Variants in WASHC2C observed in about 807,000 individuals in gnomAD.
WASHC2C encodes WASH complex subunit 2C, also known as Vaccinia Penetration Factor.
A neutral mutation model predicts 142.2 loss-of-function variants in WASHC2C; 73 were observed. The observed-to-expected ratio is 0.51, with a 90% confidence interval of 0.43 to 0.62. The LOEUF (loss-of-function observed/expected upper bound fraction) is 0.62, where lower values mean the gene tolerates loss of function less well. WASHC2C is among the 20% of genes least tolerant of loss of function. The pLI, the probability that WASHC2C is intolerant of heterozygous loss-of-function variation, is 0.00. For missense variants in WASHC2C, 969 were observed against 1,531.7 expected (o/e 0.63, Z 6.13); for synonymous variants, 337 against 565.5 (o/e 0.60, Z 5.73).
intron 11 of WASHC2C, 133 bp downstream of exon 11, chr10:45,751,686 A>G (rs1354016868): frequency 1.3e-6 from 2 of 1,510,096 alleles, no homozygotes; most frequent in Admixed American, 2.1e-5. Flanking sequence ...TTACTTTTCT[A>G]AAGCCTCTGG....
chr10:45,780,701 G>A (rs1199624850), intron 23 of WASHC2C, among the ~76,000 whole-genome samples: 1 of 151,222 alleles, frequency 6.6e-6, no homozygotes, highest in Non-Finnish European at 1.5e-5. Flanking sequence ...TTGTAGTTCT[G>A]TAAGCTAGTA....
At chr10:45,769,158 C>T (rs1381291345) in intron 19 of WASHC2C, among the ~76,000 whole-genome samples, 2 of 152,028 alleles carry the variant, frequency 1.3e-5, no homozygotes, top group Non-Finnish European at 2.9e-5. Flanking sequence ...CGCTCTGTCC[C>T]CCAGGCTGGA....
intron 3 of WASHC2C, among the ~76,000 whole-genome samples, chr10:45,733,416 C>T (rs1271466079): frequency 6.6e-6 from 1 of 151,752 alleles, no homozygotes; most frequent in African/African-American, 2.4e-5. Flanking sequence ...CCTTTTTCCC[C>T]AGTTCCCCTC....
At chr10:45,744,707 T>TCA (rs2134390233) in intron 6 of WASHC2C, 114 bp from the exon 7 acceptor site, 1 of 519,584 alleles carries the variant, frequency 1.9e-6, no homozygotes, top group South Asian at 2.1e-5. Context: ...TAAGTGGGTA[T>TCA]AGATGGTTTT....
In WASHC2C at chr10:45,790,424, A is replaced by G; in HGVS notation, c.3777A>G (p.Glu1259=). 4 of 1,611,090 alleles carry G rather than the reference A, an allele frequency of 2.5e-6. No individual in the cohort carries two copies. The South Asian group carries it at 4.4e-5, about 18-fold the overall frequency. Residue 1259 remains glutamate (E), a synonymous_variant, in exon 30 of 31, where the codon GAA becomes GAG. Coordinates refer to ENST00000623400, the MANE Select transcript of WASHC2C (RefSeq NM_001330074.2). Reference sequence around the variant, plus strand: ...CCAGAGAGAAGGAGAAAACATTGGAATCTAATTTATTTGATGATAACATTG... The same window carrying G: ...CCAGAGAGAAGGAGAAAACATTGGAGTCTAATTTATTTGATGATAACATTG... ...QKTREKEKTL[E]SNLFDDNIDI...
intron 21 of WASHC2C, among the ~76,000 whole-genome samples, chr10:45,773,677 G>A (rs1338097934): frequency 7.9e-5 from 12 of 152,270 alleles, no homozygotes; most frequent in African/African-American, 1.2e-4. Flanking sequence ...AGTGTGTGTC[G>A]AGTACTAACA....
intron 2 of WASHC2C, among the ~76,000 whole-genome samples, 198 bp downstream of exon 2, chr10:45,727,737 G>A (rs2050048601): frequency 6.6e-6 from 1 of 152,156 alleles, no homozygotes; most frequent in South Asian, 2.1e-4. Context: ...CCTGACCGTG[G>A]CCCAGACGCG....
rs1564806808 is a variant in WASHC2C at position 45,777,397 on chromosome 10, G to A, written c.2267G>A (p.Gly756Glu). The stretch of plus-strand genomic sequence containing the variant: ...AGTGCCAAGGAGTCATTAAAATTTG[G>A]GAGAACTGATGTGGCTGAGTCAGAA... ...VESAKESLKF[G>E]RTDVAESEKE... Residue 756 changes from glycine (G) to glutamate (E), a missense_variant, in exon 22 of 31, where the codon GGG (glycine) becomes GAG (glutamate). Physicochemically the swap from Gly to Glu is moderately conservative, Grantham distance 98. Coordinates refer to ENST00000623400, the MANE Select transcript of WASHC2C (RefSeq NM_001330074.2). 1.9e-6 allele frequency: 3 copies of A among 1,610,164 alleles called. No homozygotes were observed. In the African/African-American group the frequency reaches 4.1e-5, roughly 22 times the overall value.
chr10:45,790,713 C>T (rs2058345881), intron 30 of WASHC2C, among the ~76,000 whole-genome samples, 180 bp downstream of exon 30: 1 of 152,164 alleles, frequency 6.6e-6, no homozygotes. Flanking sequence ...AGTGAAGTAA[C>T]TCTTTCCTAT....
At chr10:45,779,540 A>G (rs559396193) in intron 23 of WASHC2C, among the ~76,000 whole-genome samples, 7 of 152,380 alleles carry the variant, frequency 4.6e-5, no homozygotes, top group African/African-American at 1.7e-4. Context: ...AACTATTTCT[A>G]TAAAGGACCA....
chr10:45,773,151 G>A (rs1430237392), intron 20 of WASHC2C, 105 bp from the exon 21 acceptor site: 1 of 529,100 alleles, frequency 1.9e-6, no homozygotes, highest in Non-Finnish European at 3.4e-6. Flanking sequence ...TGTTTGGGTG[G>A]TAGGTGGATT....
intron 3 of WASHC2C, among the ~76,000 whole-genome samples, chr10:45,736,322 C>T (rs1260076125): frequency 7.6e-6 from 1 of 131,196 alleles, no homozygotes; most frequent in South Asian, 2.6e-4. Context: ...AGGAGAATGG[C>T]GTGAACCCAG....
Position 45,729,602 on chromosome 10 carries a change from C to A in WASHC2C, c.291+576C>A, listed in dbSNP as rs186907335. 2.3e-3 allele frequency among the ~76,000 whole-genome samples: 342 copies of A among 151,612 alleles called. 2 individuals carry two copies. Among genetic ancestry groups the A allele is most frequent in the African/African-American group, 7.9e-3 (327 of 41,308 alleles). On this transcript the variant is annotated intron_variant, in intron 3 of 30. Transcript: ENST00000623400. ...TACATAGGTAAATTAGATAGAGCCT[C>A]TCCCTTGGCAAATAGTATAATTCCA...
rs1224792477 is a variant in WASHC2C, at chr10:45,784,915, G to A, written c.2688+14G>A. Reference sequence around the variant, plus strand: ...TCCCAGCCTTTGGTACCAGCCTTTTGTTCTCAATACTGGGTTGTGTGGGAA... The same window carrying A: ...TCCCAGCCTTTGGTACCAGCCTTTTATTCTCAATACTGGGTTGTGTGGGAA... On this transcript the variant is annotated intron_variant, in intron 25 of 30. Transcript: ENST00000623400. 3 of 1,596,048 alleles carry A rather than the reference G, an allele frequency of 1.9e-6. No homozygotes were observed. The highest frequency in any genetic ancestry group is 2.6e-6 in the Non-Finnish European group (3 of 1,175,302).
At chr10:45,739,284 AG>A (rs1284282646) in intron 4 of WASHC2C, among the ~76,000 whole-genome samples, 1 of 148,394 alleles carries the variant, frequency 6.7e-6, no homozygotes, top group African/African-American at 2.5e-5. Context: ...AAATGCTCGT[AG>A]GGTTTTTTTT....
intron 13 of WASHC2C, among the ~76,000 whole-genome samples, chr10:45,754,235 G>C (rs1268546848): frequency 6.6e-6 from 1 of 152,176 alleles, no homozygotes; most frequent in Admixed American, 6.5e-5. Context: ...CTGACCCACT[G>C]CTGTGGCTTG....
intron 20 of WASHC2C, among the ~76,000 whole-genome samples, chr10:45,772,284 T>C (rs1208772166): frequency 4.0e-5 from 6 of 151,654 alleles, no homozygotes; most frequent in Non-Finnish European, 7.4e-5. Context: ...GCGGTTCTTT[T>C]TGGGGTCATG....
intron 30 of WASHC2C, among the ~76,000 whole-genome samples, chr10:45,791,043 TC>T (rs1371379244): frequency 6.6e-6 from 1 of 152,054 alleles, no homozygotes; most frequent in Non-Finnish European, 1.5e-5. Context: ...AAGCTTGTCT[TC>T]CTTATATGGC....
intron 8 of WASHC2C, among the ~76,000 whole-genome samples, chr10:45,749,279 A>G (rs2053234194): frequency 6.6e-6 from 1 of 151,666 alleles, no homozygotes; most frequent in Non-Finnish European, 1.5e-5. Context: ...TACCAAAAAT[A>G]TAAAAATTAG....
Sources: allele counts gnomAD v4.1 joint callset (sites outside exome capture counted in the v4.1 genomes callset), GRCh38; gene constraint gnomAD v4.1.1; transcripts MANE v1.5; gene names NCBI Gene and HGNC (gene_info 2026-07-23, HGNC 2026-07-21).